Variants in PDPN observed in about 807,000 individuals in gnomAD.
PDPN encodes podoplanin.
In PDPN, 12 loss-of-function variants were observed where a neutral mutation model predicts 23.2. The ratio of observed to expected loss-of-function variants is 0.52; its 90% CI spans 0.33 to 0.84. PDPN has a LOEUF of 0.84. PDPN is among the 40% of genes least tolerant of loss of function. PDPN has a pLI of 0.02. For missense variants in PDPN, 199 were observed against 212.2 expected, an observed-to-expected ratio of 0.94 and a Z score of 0.39; for synonymous variants, 77 against 76.7, an observed-to-expected ratio of 1.00 and a Z score of -0.02.
rs558187634 is a variant in PDPN at position 13,613,047 on chromosome 1, A to G, written c.332-640A>G. Among the ~76,000 whole-genome samples, 3 of 152,296 alleles carry G rather than the reference A, an allele frequency of 2.0e-5. No homozygotes were observed. In the East Asian group the frequency reaches 5.8e-4, roughly 29 times the overall value. ...AATTATTCAAAAGAAACTCACAATG[A>G]CAAATACTCACCTTGTAACTATTAG... On this transcript the variant is annotated intron_variant, in intron 3 of 5. Coordinates refer to ENST00000621990, the MANE Select transcript of PDPN (RefSeq NM_006474.5).
intron 2 of PDPN, among the ~76,000 whole-genome samples, chr1:13,608,862 C>T (rs778750908): frequency 2.6e-5 from 4 of 151,884 alleles, no homozygotes; most frequent in Admixed American, 6.6e-5. Flanking sequence ...ACAGTTTTGG[C>T]GGGAAGAGTC....
At chr1:13,584,220 T>G in intron 1 of PDPN, 120 bp downstream of exon 1, 1 of 1,518,642 alleles carries the variant, frequency 6.6e-7, no homozygotes, top group African/African-American at 1.4e-5. Flanking sequence ...GAGCTGAGGG[T>G]GTGTGCGTGT....
At position 13,599,373 on chromosome 1, in the gene PDPN, C is replaced by CTT. The variant is rs70984267; in HGVS notation, c.68-7771_68-7770dup. Among the ~76,000 whole-genome samples, 91 of 77,098 alleles carry CTT rather than the reference C, an allele frequency of 1.2e-3. 11 individuals are homozygous for CTT. The highest frequency in any genetic ancestry group is 1.3e-3 in the African/African-American group (23 of 17,356). The allele number at this position is 77,098 out of a possible 152,430, so 50.6% of individuals were successfully genotyped here. A position where few individuals can be genotyped will look rare whatever the true frequency, so the allele number is the denominator to read the frequency against. On this transcript the variant is annotated intron_variant, in intron 1 of 5. Coordinates refer to ENST00000621990, the MANE Select transcript of PDPN (RefSeq NM_006474.5). The stretch of plus-strand genomic sequence containing the variant: ...TATCTTGATGTGTTCGAGAAGCTAT[C>CTT]TTTTTTTTTTTTTTTTTTTTTTTTT...
chr1:13,600,905 C>A (rs1448603850), intron 1 of PDPN, among the ~76,000 whole-genome samples: 1 of 152,022 alleles, frequency 6.6e-6, no homozygotes, highest in East Asian at 1.9e-4. Context: ...ACTGGCCTAA[C>A]AAGATTCTTT....
intron 1 of PDPN, among the ~76,000 whole-genome samples, chr1:13,591,725 TCCTC>T (rs935623151): frequency 6.6e-6 from 1 of 152,214 alleles, no homozygotes; most frequent in Admixed American, 6.5e-5. Flanking sequence ...GATGAGGTCT[TCCTC>T]TGTCACCCAG....
intron 1 of PDPN, among the ~76,000 whole-genome samples, chr1:13,587,776 G>T (rs186872044): frequency 5.1e-4 from 77 of 152,260 alleles, no homozygotes; most frequent in Admixed American, 4.6e-3. Context: ...CTAGAGCCCC[G>T]GTAGGGAATA....
intron 1 of PDPN, among the ~76,000 whole-genome samples, chr1:13,600,979 G>A (rs1438651486): frequency 1.3e-5 from 2 of 152,156 alleles, no homozygotes; most frequent in Non-Finnish European, 2.9e-5. Flanking sequence ...GCTGGGAGAC[G>A]CCATGTAAAC....
intron 1 of PDPN, 66 bp from the exon 2 acceptor site, chr1:13,607,107 A>G: frequency 6.6e-7 from 1 of 1,508,318 alleles, no homozygotes; most frequent in South Asian, 1.2e-5. Context: ...ATCCGAATGT[A>G]GCCGACAAGT....
intron 2 of PDPN, among the ~76,000 whole-genome samples, chr1:13,609,388 G>A (rs1288204593): frequency 6.6e-6 from 1 of 152,116 alleles, no homozygotes; most frequent in African/African-American, 2.4e-5. Flanking sequence ...CCCAGGGCTT[G>A]GAACCATGCT....
chr1:13,603,921 C>T (rs565173682), intron 1 of PDPN, among the ~76,000 whole-genome samples: 6 of 152,250 alleles, frequency 3.9e-5, no homozygotes, highest in African/African-American at 9.6e-5. Context: ...ACAACAACAA[C>T]AAATTTCAAA....
chr1:13,615,870 A>C, intron 5 of PDPN, 35 bp from the exon 6 acceptor site: 1 of 1,605,584 alleles, frequency 6.2e-7, no homozygotes. Flanking sequence ...AATGCCAGTA[A>C]GAGACACGAC....
chr1:13,591,100 C>G (rs183919302), intron 1 of PDPN, among the ~76,000 whole-genome samples: 6 of 152,096 alleles, frequency 3.9e-5, no homozygotes, highest in African/African-American at 1.4e-4. Context: ...TGCCACCACG[C>G]CTGGCTAATC....
intron 1 of PDPN, among the ~76,000 whole-genome samples, chr1:13,590,304 G>T (rs1640305911): frequency 6.6e-6 from 1 of 152,240 alleles, no homozygotes. Context: ...GGAAGCATAT[G>T]CTGTGATTGT....
intron 1 of PDPN, among the ~76,000 whole-genome samples, chr1:13,591,927 C>T (rs1446511746): frequency 2.0e-5 from 3 of 152,236 alleles, no homozygotes; most frequent in Non-Finnish European, 2.9e-5. Context: ...GTTCCACCAG[C>T]AATACATGCT....
intron 1 of PDPN, among the ~76,000 whole-genome samples, chr1:13,590,719 G>C (rs565213457): frequency 1.3e-5 from 2 of 152,216 alleles, no homozygotes; most frequent in African/African-American, 4.8e-5. Context: ...AGATGAGTCC[G>C]TGCTGAGTGG....
intron 1 of PDPN, among the ~76,000 whole-genome samples, chr1:13,602,619 ATGG>A (rs1640675661): frequency 1.3e-5 from 2 of 152,016 alleles, no homozygotes; most frequent in African/African-American, 4.8e-5. Context: ...CTGGAGTGCA[ATGG>A]TTCAGTCTCG....
intron 1 of PDPN, chr1:13,584,405 C>T (rs1459766693): frequency 3.5e-6 from 4 of 1,144,508 alleles, no homozygotes; most frequent in Non-Finnish European, 4.8e-6. Flanking sequence ...GGAAGGTTCA[C>T]AGTAGGCAGC....
chr1:13,595,107 T>C (rs1288379035), intron 1 of PDPN, among the ~76,000 whole-genome samples: 3 of 152,038 alleles, frequency 2.0e-5, no homozygotes, highest in Non-Finnish European at 4.4e-5. Context: ...AAACACCTCG[T>C]GGATTGTCTT....
At chr1:13,614,739 A>G in intron 5 of PDPN, 1 of 460,658 alleles carries the variant, frequency 2.2e-6, no homozygotes, top group Non-Finnish European at 4.3e-6. Flanking sequence ...GTGAGCTATG[A>G]TTGTGCCACT....
Sources: gnomAD v4.1 joint callset for allele counts (sites outside exome capture counted in the v4.1 genomes callset) on GRCh38, gnomAD v4.1.1 for gene constraint, MANE v1.5 for transcripts, NCBI Gene and HGNC (gene_info 2026-07-23, HGNC 2026-07-21) for gene names.